The following PRKG1 variants were observed in gnomAD, a reference collection of about 807,000 sequenced individuals.
PRKG1 encodes the protein cGMP-dependent protein kinase 1.
A neutral mutation model predicts 88.1 loss-of-function variants in PRKG1; 35 were observed. That is an observed-to-expected ratio of 0.40 (90% CI 0.30 to 0.53). PRKG1 has a LOEUF of 0.53. PRKG1 is among the 20% of genes least tolerant of loss of function. The pLI, the probability that PRKG1 is intolerant of heterozygous loss-of-function variation, is 0.59. For missense variants in PRKG1, 540 were observed against 839.8 expected, an observed-to-expected ratio of 0.64 and a Z score of 4.41; for synonymous variants, 303 against 292.5, an observed-to-expected ratio of 1.04 and a Z score of -0.37.
intron 9 of PRKG1, among the ~76,000 whole-genome samples, chr10:52,169,628 G>A (rs61847297): frequency 0.054 from 8,276 of 152,224 alleles, 497 homozygotes; most frequent in East Asian, 0.31. Flanking sequence ...AAGAATTCTA[G>A]TATGTTACTT....
At chr10:51,743,769 G>A in intron 3 of PRKG1, among the ~76,000 whole-genome samples, 1 of 87,506 alleles carries the variant, frequency 1.1e-5, no homozygotes. Context: ...TATATATTTA[G>A]TTGCCTATTT....
intron 3 of PRKG1, among the ~76,000 whole-genome samples, chr10:51,518,674 A>C (rs1165314073): frequency 1.3e-5 from 2 of 152,240 alleles, no homozygotes; most frequent in East Asian, 3.8e-4. Context: ...AAAATGCAGA[A>C]GAGGAAATAG....
At chr10:51,734,148 A>C (rs1484833347) in intron 3 of PRKG1, among the ~76,000 whole-genome samples, 1 of 152,170 alleles carries the variant, frequency 6.6e-6, no homozygotes, top group African/African-American at 2.4e-5. Flanking sequence ...CCTTCAGTGA[A>C]TAACATTATA....
At chr10:51,143,085 A>T (rs935539054) in intron 1 of PRKG1, among the ~76,000 whole-genome samples, 4 of 152,020 alleles carry the variant, frequency 2.6e-5, no homozygotes, top group African/African-American at 9.7e-5. Flanking sequence ...TATTCTCCCT[A>T]TTAAACTGTA....
At chr10:51,336,435 G>C (rs983453852) in intron 2 of PRKG1, among the ~76,000 whole-genome samples, 4 of 152,066 alleles carry the variant, frequency 2.6e-5, no homozygotes, top group African/African-American at 9.7e-5. Context: ...TTCTTGTATA[G>C]AAGAAGAGAA....
At chr10:51,859,196 C>A (rs117666768) in intron 4 of PRKG1, among the ~76,000 whole-genome samples, 1 of 152,184 alleles carries the variant, frequency 6.6e-6, no homozygotes, top group East Asian at 1.9e-4. Context: ...CACAGATGTT[C>A]GGAAGCCCTG....
intron 2 of PRKG1, among the ~76,000 whole-genome samples, chr10:51,277,176 A>G (rs757975897): frequency 1.3e-5 from 2 of 152,200 alleles, no homozygotes; most frequent in Admixed American, 6.5e-5. Flanking sequence ...AGCTTTCTGT[A>G]TATGGGTAGC....
chr10:51,419,798 C>A (rs1235581503), intron 2 of PRKG1, among the ~76,000 whole-genome samples: 1 of 151,216 alleles, frequency 6.6e-6, no homozygotes, highest in African/African-American at 2.4e-5. Flanking sequence ...AGAGAGAGAG[C>A]CAATAATTTT....
chr10:51,962,338 T>A (rs1843467282), intron 5 of PRKG1, among the ~76,000 whole-genome samples: 1 of 152,102 alleles, frequency 6.6e-6, no homozygotes, highest in Non-Finnish European at 1.5e-5. Context: ...TTCCCCCTAT[T>A]ATAGCTGTGA....
intron 2 of PRKG1, among the ~76,000 whole-genome samples, chr10:51,417,133 G>A (rs1181965360): frequency 1.3e-5 from 2 of 151,944 alleles, no homozygotes; most frequent in African/African-American, 4.8e-5. Flanking sequence ...TCTTGTTTCT[G>A]TTTAATTATT....
At chr10:52,084,246 T>A (rs1405502204) in intron 7 of PRKG1, among the ~76,000 whole-genome samples, 1 of 152,006 alleles carries the variant, frequency 6.6e-6, no homozygotes, top group Non-Finnish European at 1.5e-5. Context: ...ATGCATTTCA[T>A]TTACACAACA....
At chr10:52,174,242 C>A (rs1303074996) in intron 9 of PRKG1, among the ~76,000 whole-genome samples, 1 of 151,212 alleles carries the variant, frequency 6.6e-6, no homozygotes, top group African/African-American at 2.4e-5. Flanking sequence ...TATAAGAATT[C>A]TGCATTTCAC....
intron 3 of PRKG1, among the ~76,000 whole-genome samples, chr10:51,482,729 G>T (rs16918500): frequency 0.1 from 15,391 of 152,128 alleles, 845 homozygotes; most frequent in South Asian, 0.13. Flanking sequence ...CATCCAGTCT[G>T]GGTTGAAAAT....
At chr10:51,484,504 T>C (rs1480630270) in intron 3 of PRKG1, among the ~76,000 whole-genome samples, 7 of 152,170 alleles carry the variant, frequency 4.6e-5, no homozygotes, top group African/African-American at 1.4e-4. Flanking sequence ...CTCAAACTCC[T>C]AGGCTCAAGC....
At chr10:51,602,971 T>TTTC (rs776819490) in intron 3 of PRKG1, among the ~76,000 whole-genome samples, 40 of 152,024 alleles carry the variant, frequency 2.6e-4, no homozygotes, top group Non-Finnish European at 5.4e-4. Flanking sequence ...AAGTTTATTT[T>TTTC]TTCTGAGATG....
intron 2 of PRKG1, among the ~76,000 whole-genome samples, chr10:51,375,754 TG>T (rs151137833): frequency 6.8e-6 from 1 of 147,338 alleles, no homozygotes; most frequent in African/African-American, 2.5e-5. Flanking sequence ...GTGTTGGTGG[TG>T]GGGGGGTGTT....
At chr10:51,995,485 G>A (rs940897515) in intron 5 of PRKG1, among the ~76,000 whole-genome samples, 3 of 152,060 alleles carry the variant, frequency 2.0e-5, no homozygotes, top group South Asian at 2.1e-4. Context: ...TTCTGAATTC[G>A]TTAAATAGCG....
At chr10:51,869,454 A>C (rs1205911445) in intron 4 of PRKG1, among the ~76,000 whole-genome samples, 1 of 152,108 alleles carries the variant, frequency 6.6e-6, no homozygotes, top group African/African-American at 2.4e-5. Context: ...TCAGCATTCT[A>C]AATAAAACTT....
intron 5 of PRKG1, among the ~76,000 whole-genome samples, chr10:52,004,664 GT>G (rs1844685111): frequency 6.6e-6 from 1 of 152,200 alleles, no homozygotes; most frequent in African/African-American, 2.4e-5. Context: ...GGAGATTAGT[GT>G]TGCAGAGTGA....
Sources: allele counts gnomAD v4.1 joint callset (sites outside exome capture counted in the v4.1 genomes callset), GRCh38; gene constraint gnomAD v4.1.1; transcripts MANE v1.5; gene names NCBI Gene and HGNC (gene_info 2026-07-23, HGNC 2026-07-21).